The following GLS variants were observed in gnomAD, a reference collection of about 807,000 sequenced individuals.
The protein encoded by GLS is glutaminase, also known as glutaminase kidney isoform, mitochondrial.
GLS carries 36 observed loss-of-function variants against 86.7 expected under a neutral mutation model. That is an observed-to-expected ratio of 0.42 (90% CI 0.32 to 0.55). The LOEUF (loss-of-function observed/expected upper bound fraction) is 0.55, where lower values mean the gene tolerates loss of function less well. GLS is among the 20% of genes least tolerant of loss of function. GLS has a pLI of 0.17. For synonymous variants in GLS, 317 were observed against 305.9 expected, an observed-to-expected ratio of 1.04 and a Z score of -0.38; for missense variants, 528 against 833.4, an observed-to-expected ratio of 0.63 and a Z score of 4.51.
rs74714286 is a variant in GLS at position 190,935,320 on chromosome 2, T to G, written c.1650+3683T>G. On this transcript the variant is annotated intron_variant, in intron 14 of 17. Coordinates refer to ENST00000320717, the MANE Select transcript of GLS (RefSeq NM_014905.5). This position sits in a 1 kb window ranked among gnomAD's most constrained non-coding sequence, Gnocchi z 4.2. ...TTGTTTTTTTTGTTTTGTTTTGTTT[T>G]GTTTTTATAAAAGCAACTTCAACAT... 5.3e-6 allele frequency: 2 copies of G among 379,802 alleles called. No individual in the cohort carries two copies. The highest frequency in any genetic ancestry group is 3.2e-4 in the East Asian group (2 of 6,154). The allele number at this position is 379,802 out of a possible 1,614,324, so 23.5% of individuals were successfully genotyped here.
chr2:190,965,370 A>AGAT lies in GLS; in HGVS notation c.*2385_*2387dup, dbSNP rs1691097270. 6.6e-6 allele frequency: 1 copy of AGAT among 152,620 alleles called. No homozygotes were observed. The highest frequency in any genetic ancestry group is 6.6e-5 in the Admixed American group (1 of 15,264). The allele number at this position is 152,620 out of a possible 1,614,324, so 9.5% of individuals were successfully genotyped here. ...GGCAGGGACTGAATGACCTGATGTC[A>AGAT]GATTTAGATTCTTCCTGGGGATTAC... On this transcript the variant is annotated 3_prime_UTR_variant, in exon 18 of 18. Transcript: ENST00000320717. This position sits in a 1 kb window ranked among gnomAD's most constrained non-coding sequence, Gnocchi z 5.0.
chr2:190,927,145 G>A (rs1374722192), intron 11 of GLS, 161 bp from the exon 12 acceptor site: 5 of 595,108 alleles, frequency 8.4e-6, no homozygotes, highest in Non-Finnish European at 8.3e-6. Flanking sequence ...GTAGGACTTC[G>A]GTCAACTAAA....
intron 1 of GLS, among the ~76,000 whole-genome samples, chr2:190,891,834 C>T (rs1003042462): frequency 2.6e-5 from 4 of 152,074 alleles, no homozygotes; most frequent in African/African-American, 9.7e-5. Flanking sequence ...CACCTTAATT[C>T]ACACATTCTG....
In GLS at chr2:190,943,595, T is replaced by TA. The variant is rs2124935069; in HGVS notation, c.1651-9967dup. ...TTTTATATTTACATGATGTCCTTTC[T>TA]AAATTTTTTTTAGATAGAACAATTG... On this transcript the variant is annotated intron_variant, in intron 14 of 17. Transcript: ENST00000320717. This position sits in a 1 kb window ranked among gnomAD's most constrained non-coding sequence, Gnocchi z 4.5. Among the ~76,000 whole-genome samples, 1 of 152,334 alleles carries TA rather than the reference T, an allele frequency of 6.6e-6. No individual in the cohort carries two copies. Among genetic ancestry groups the TA allele is most frequent in the East Asian group, 1.9e-4 (1 of 5,190 alleles).
Position 190,956,326 on chromosome 2 carries a change from A to C in GLS, c.1853+1508A>C, listed in dbSNP as rs1690860385. Among the ~76,000 whole-genome samples the C allele has an allele frequency of 6.6e-6, 1 of 152,190 alleles. No homozygotes were observed. The highest frequency in any genetic ancestry group is 2.1e-4 in the South Asian group (1 of 4,828). The stretch of plus-strand genomic sequence containing the variant: ...AGGTGAAAGGAAGGGGTCCAGGTTC[A>C]GTTTTCTGCATATGGCTAGCCAGTT... On this transcript the variant is annotated intron_variant, in intron 17 of 17. Coordinates refer to ENST00000320717, the MANE Select transcript of GLS (RefSeq NM_014905.5). The surrounding 1 kb of genome is among the most constrained non-coding windows in gnomAD (Gnocchi z 4.2).
At chr2:190,946,924 A>G (rs550918564) in intron 14 of GLS, among the ~76,000 whole-genome samples, 1 of 152,314 alleles carries the variant, frequency 6.6e-6, no homozygotes, top group African/African-American at 2.4e-5. Context: ...ACTAATTCAT[A>G]TGCTGTGTGA....
Position 190,921,711 on chromosome 2 carries a change from A to G in GLS, c.1130+508A>G, listed in dbSNP as rs1689744017. 6.6e-6 allele frequency among the ~76,000 whole-genome samples: 1 copy of G among 151,984 alleles called. No individual in the cohort carries two copies. The highest frequency in any genetic ancestry group is 2.1e-4 in the South Asian group (1 of 4,838). ...AACCATTTCAAATTAAGTTGCAGGC[A>G]TCATACTTCACCCTTAGATAAGAAA... On this transcript the variant is annotated intron_variant, in intron 9 of 17. Transcript: ENST00000320717. This position sits in a 1 kb window ranked among gnomAD's most constrained non-coding sequence, Gnocchi z 4.2.
intron 7 of GLS, among the ~76,000 whole-genome samples, chr2:190,917,932 A>G (rs922771931): frequency 2.6e-5 from 4 of 152,126 alleles, no homozygotes; most frequent in Non-Finnish European, 4.4e-5. Context: ...CTATTAAAAA[A>G]CAAAATCTTT....
intron 3 of GLS, chr2:190,896,073 T>G (rs1688730523): frequency 6.3e-6 from 1 of 159,568 alleles, no homozygotes; most frequent in South Asian, 1.8e-4. Flanking sequence ...CAGCATGGTC[T>G]CTAGTTCTTT....
At position 190,962,029 on chromosome 2, in the gene GLS, C is replaced by T. The variant is rs1691016582; in HGVS notation, c.1854-801C>T. On this transcript the variant is annotated intron_variant, in intron 17 of 17. Coordinates refer to ENST00000320717, the MANE Select transcript of GLS (RefSeq NM_014905.5). This position sits in a 1 kb window ranked among gnomAD's most constrained non-coding sequence, Gnocchi z 4.2. The stretch of plus-strand genomic sequence containing the variant: ...AGTTTGTAAAGTGTAAGGGAACTAC[C>T]CATCGTACCCTGTCATTGACTAGGG... Among the ~76,000 whole-genome samples, 1 of 152,120 alleles carries T rather than the reference C, an allele frequency of 6.6e-6. No homozygotes were observed. The highest frequency in any genetic ancestry group is 2.4e-5 in the African/African-American group (1 of 41,410).
intron 14 of GLS, among the ~76,000 whole-genome samples, chr2:190,952,526 A>T (rs1690740765): frequency 6.6e-6 from 1 of 152,218 alleles, no homozygotes; most frequent in African/African-American, 2.4e-5. Context: ...GATCAGTTCC[A>T]GTTAATTTGG....
At chr2:190,907,017 C>A (rs1353780295) in intron 6 of GLS, among the ~76,000 whole-genome samples, 1 of 149,138 alleles carries the variant, frequency 6.7e-6, no homozygotes, top group Non-Finnish European at 1.5e-5. Flanking sequence ...GCAAGCTCTG[C>A]CCCCCGGGTT....
In GLS at chr2:190,895,703, C is replaced by T. The variant is rs1688708500; in HGVS notation, c.583C>T (p.Leu195=). The T allele has an allele frequency of 1.9e-6, 3 of 1,588,420 alleles. No individual in the cohort carries two copies. Among genetic ancestry groups the T allele is most frequent in the South Asian group, 1.1e-5 (1 of 87,856 alleles). ...TLQTTSDGVM[L]DKDLFKKCVQ... ...TCAAACAACATCAGATGGTGTCATGCTAGACAAAGATCTTTTTAAAAAGTA... is the reference window on the plus strand; with the variant it reads ...TCAAACAACATCAGATGGTGTCATGTTAGACAAAGATCTTTTTAAAAAGTA... The change falls in exon 3 of 18, where the codon CTA becomes TTA. Residue 195 remains leucine, a synonymous_variant. Coordinates refer to ENST00000320717, the MANE Select transcript of GLS (RefSeq NM_014905.5). The surrounding 1 kb of genome is among the most constrained non-coding windows in gnomAD (Gnocchi z 4.2).
intron 3 of GLS, chr2:190,896,199 C>T (rs1472105200): frequency 6.6e-6 from 1 of 152,232 alleles, no homozygotes; most frequent in Non-Finnish European, 1.5e-5. Context: ...CATATTGATA[C>T]ATAGGCTTTT....
Position 190,962,321 on chromosome 2 carries a change from C to T in GLS, c.1854-509C>T, listed in dbSNP as rs1443339352. Among the ~76,000 whole-genome samples, 1 of 152,178 alleles carries T rather than the reference C, an allele frequency of 6.6e-6. No homozygotes were observed. Among genetic ancestry groups the T allele is most frequent in the Non-Finnish European group, 1.5e-5 (1 of 68,048 alleles). On this transcript the variant is annotated intron_variant, in intron 17 of 17. Coordinates refer to ENST00000320717, the MANE Select transcript of GLS (RefSeq NM_014905.5). This position sits in a 1 kb window ranked among gnomAD's most constrained non-coding sequence, Gnocchi z 4.2. The stretch of plus-strand genomic sequence containing the variant: ...GTCAATTCCTTTGGGGCCAATCTTG[C>T]TCCTCCAGTGTGTTTTAGCCCTAAT...
intron 14 of GLS, chr2:190,932,766 A>G (rs1217955850): frequency 6.2e-7 from 1 of 1,604,190 alleles, no homozygotes; most frequent in Non-Finnish European, 8.5e-7. Context: ...AACTTGCTTT[A>G]AAAGAGACAG....
chr2:190,928,311 C>G (rs906288460), intron 12 of GLS, among the ~76,000 whole-genome samples: 1 of 150,722 alleles, frequency 6.6e-6, no homozygotes, highest in East Asian at 1.9e-4. Flanking sequence ...TTTAGATTTC[C>G]TGGATTATCT....
At chr2:190,890,894 A>T (rs1921912) in intron 1 of GLS, among the ~76,000 whole-genome samples, 140,266 of 151,914 alleles carry the variant, frequency 0.92, 64,812 homozygotes, top group Non-Finnish European at 0.94. Flanking sequence ...GAAAAAAAAA[A>T]TAAGAAAGAC....
rs1293296123 is a variant in GLS at position 190,962,993 on chromosome 2, C to T, written c.*7C>T. 1 of 1,573,264 alleles carries T rather than the reference C, an allele frequency of 6.4e-7. No homozygotes were observed. Among genetic ancestry groups the T allele is most frequent in the Non-Finnish European group, 8.6e-7 (1 of 1,162,094 alleles). On this transcript the variant is annotated 3_prime_UTR_variant, in exon 18 of 18. Coordinates refer to ENST00000320717, the MANE Select transcript of GLS (RefSeq NM_014905.5). This position sits in a 1 kb window ranked among gnomAD's most constrained non-coding sequence, Gnocchi z 4.2. ...TCTTGATGGATTGTTGTAATGGTCT[C>T]AAATCCCAAGATTTAAATCACTTAC...
Sources: gnomAD v4.1 joint callset for allele counts (sites outside exome capture counted in the v4.1 genomes callset) on GRCh38, gnomAD v4.1.1 for gene constraint, Gnocchi (gnomAD v3.1) non-coding constraint, MANE v1.5 for transcripts, NCBI Gene and HGNC (gene_info 2026-07-23, HGNC 2026-07-21) for gene names.